MGAM2: variants seen among roughly 807,000 people sequenced by gnomAD.
The protein encoded by MGAM2 is probable maltase-glucoamylase 2.
MGAM2 carries 98 observed loss-of-function variants against 96.1 expected under a neutral mutation model. The observed-to-expected ratio is 1.02, with a 90% CI of 0.87 to 1.21. MGAM2 has a LOEUF of 1.21. Among genes scored for constraint, MGAM2 ranks in the 50% most tolerant of loss-of-function variants. The pLI, the probability that MGAM2 is intolerant of heterozygous loss-of-function variation, is 0.00. For synonymous variants in MGAM2, 749 were observed against 414.8 expected (o/e 1.81, Z -9.79); for missense variants, 2,055 against 1,182.4 (o/e 1.74, Z -10.82).
intron 3 of MGAM2, among the ~76,000 whole-genome samples, chr7:142,129,900 C>T (rs999777761): frequency 7.7e-5 from 10 of 129,608 alleles, no homozygotes; most frequent in African/African-American, 2.9e-4. Context: ...TCACCTGCCA[C>T]ATTGCATTTT....
At chr7:142,194,106 C>T (rs1464978867) in intron 37 of MGAM2, among the ~76,000 whole-genome samples, 1 of 151,668 alleles carries the variant, frequency 6.6e-6, no homozygotes, top group Non-Finnish European at 1.5e-5. Context: ...GATTTCGACT[C>T]ACTGCAACCT....
At position 142,154,863 on chromosome 7, in the gene MGAM2, A is replaced by C. The variant is rs1795690065; in HGVS notation, c.1923+18A>C. 1.4e-6 allele frequency: 1 copy of C among 702,560 alleles called. No individual in the cohort carries two copies. The highest frequency in any genetic ancestry group is 1.7e-5 in the African/African-American group (1 of 57,246). 43.5% of individuals were successfully genotyped at this position (702,560 alleles called of 1,614,324 possible). A position where few individuals can be genotyped will look rare whatever the true frequency, so the allele number is the denominator to read the frequency against. On this transcript the variant is annotated intron_variant, in intron 17 of 47. Coordinates refer to ENST00000477922, the MANE Select transcript of MGAM2 (RefSeq NM_001293626.2). ...GGTTCAGGGTAAGGTCACCAAAAGAAGTGATGGAAACTTTTTGGATTAGCT... is the reference window on the plus strand; with the variant it reads ...GGTTCAGGGTAAGGTCACCAAAAGACGTGATGGAAACTTTTTGGATTAGCT...
rs6959177 is a variant in MGAM2 at position 142,158,068 on chromosome 7, G to A, written c.2055G>A (p.Thr685=). The A allele has an allele frequency of 2.8e-5, 20 of 702,686 alleles. No individual in the cohort carries two copies. Among genetic ancestry groups the A allele is most frequent in the East Asian group, 1.3e-4 (5 of 37,282 alleles). The allele number at this position is 702,686 out of a possible 1,614,324, so 43.5% of individuals were successfully genotyped here. ...LFYHAHTRGE[T]VARPLVHEFY... The stretch of plus-strand genomic sequence containing the variant: ...ACCATGCTCACACCCGGGGAGAGAC[G>A]GTAGCAAGGCCCCTTGTACATGAGT... Residue 685 remains threonine (T), a synonymous_variant, in exon 18 of 48, where the codon ACG becomes ACA. Coordinates refer to ENST00000477922, the MANE Select transcript of MGAM2 (RefSeq NM_001293626.2).
intron 46 of MGAM2, among the ~76,000 whole-genome samples, chr7:142,216,107 A>T (rs1041888321): frequency 4.6e-5 from 7 of 152,158 alleles, no homozygotes; most frequent in African/African-American, 1.7e-4. Context: ...TCTCATAGAC[A>T]TGATTATCAG....
At chr7:142,145,026 C>T in intron 14 of MGAM2, 81 bp downstream of exon 14, 1 of 667,030 alleles carries the variant, frequency 1.5e-6, no homozygotes, top group Non-Finnish European at 2.7e-6. Flanking sequence ...TGGTCGGGAG[C>T]AATTTCACTT....
At chr7:142,163,594 C>T (rs893529543) in intron 23 of MGAM2, among the ~76,000 whole-genome samples, 2 of 152,168 alleles carry the variant, frequency 1.3e-5, no homozygotes, top group Non-Finnish European at 2.9e-5. Flanking sequence ...GTTTTTATTT[C>T]TCTTTAATAA....
At chr7:142,133,947 C>T (rs1295651302) in intron 6 of MGAM2, 34 bp from the exon 7 acceptor site, 5 of 665,640 alleles carry the variant, frequency 7.5e-6, no homozygotes, top group Middle Eastern at 2.4e-4. Flanking sequence ...GAGTGTTTTT[C>T]GGTGATTCTT....
At chr7:142,123,417 C>T (rs975415533) in intron 3 of MGAM2, among the ~76,000 whole-genome samples, 1 of 152,104 alleles carries the variant, frequency 6.6e-6, no homozygotes, top group African/African-American at 2.4e-5. Flanking sequence ...TATCAATTTG[C>T]ATTTCTTTTA....
At chr7:142,176,327 G>C (rs1331415924) in intron 32 of MGAM2, among the ~76,000 whole-genome samples, 4 of 152,162 alleles carry the variant, frequency 2.6e-5, no homozygotes, top group Non-Finnish European at 1.5e-5. Context: ...GACAAATGCA[G>C]AGGCAATTAC....
At position 142,221,274 on chromosome 7, in the gene MGAM2, A is replaced by G. The variant is rs1356797955; in HGVS notation, c.6763A>G (p.Ile2255Val). 2.9e-6 allele frequency: 2 copies of G among 688,032 alleles called. No homozygotes were observed. The highest frequency in any genetic ancestry group is 2.0e-5 in the Admixed American group (1 of 48,790). 42.6% of individuals were successfully genotyped at this position (688,032 alleles called of 1,614,324 possible). ...MSAGNITSNSISITTTSFGNS... is the reference protein window; with the variant it reads ...MSAGNITSNSVSITTTSFGNS... Reference sequence around the variant, plus strand: ...TGCTGGTAATATAACTAGTAATAGTATTTCCATAACAACTACTTCTTTTGG... The same window carrying G: ...TGCTGGTAATATAACTAGTAATAGTGTTTCCATAACAACTACTTCTTTTGG... The change falls in exon 48 of 48, where the codon ATT becomes GTT. Residue 2255 changes from isoleucine (I) to valine (V), a missense_variant. Physicochemically the swap from Ile to Val is conservative, Grantham distance 29. Coordinates refer to ENST00000477922, the MANE Select transcript of MGAM2 (RefSeq NM_001293626.2).
intron 30 of MGAM2, 148 bp downstream of exon 30, chr7:142,172,912 A>G (rs900963067): frequency 1.8e-6 from 1 of 565,444 alleles, no homozygotes; most frequent in African/African-American, 1.9e-5. Flanking sequence ...ATATTTTAGT[A>G]TTATGGTTCT....
intron 10 of MGAM2, among the ~76,000 whole-genome samples, 169 bp from the exon 11 acceptor site, chr7:142,140,633 T>C (rs1795192121): frequency 6.6e-6 from 1 of 152,176 alleles, no homozygotes; most frequent in African/African-American, 2.4e-5. Flanking sequence ...ACAGCAATCA[T>C]GTCTTTCAAA....
intron 45 of MGAM2, among the ~76,000 whole-genome samples, chr7:142,201,821 T>C (rs1276529250): frequency 6.6e-6 from 1 of 152,204 alleles, no homozygotes; most frequent in Non-Finnish European, 1.5e-5. Flanking sequence ...ATAGGTTATA[T>C]GCAAATATTA....
At chr7:142,165,801 C>T (rs951202325) in intron 24 of MGAM2, among the ~76,000 whole-genome samples, 4 of 152,154 alleles carry the variant, frequency 2.6e-5, no homozygotes, top group African/African-American at 9.7e-5. Context: ...GTTGTTATTA[C>T]TACTTTTATT....
chr7:142,121,469 GC>G (rs1794572744), intron 3 of MGAM2, among the ~76,000 whole-genome samples: 1 of 152,042 alleles, frequency 6.6e-6, no homozygotes, highest in South Asian at 2.1e-4. Context: ...GAGCCACTAC[GC>G]CCGGCCCATA....
chr7:142,131,652 T>C, intron 5 of MGAM2, 25 bp downstream of exon 5: 1 of 702,304 alleles, frequency 1.4e-6, no homozygotes, highest in Non-Finnish European at 2.6e-6. Context: ...GACTGCTAAA[T>C]ACATTTCTGA....
At chr7:142,172,477 A>G (rs925468603) in intron 29 of MGAM2, among the ~76,000 whole-genome samples, 175 bp from the exon 30 acceptor site, 12 of 152,182 alleles carry the variant, frequency 7.9e-5, no homozygotes, top group Non-Finnish European at 1.6e-4. Context: ...GAGATTGCAT[A>G]TTACATTTGG....
At chr7:142,144,760 A>G in intron 13 of MGAM2, 101 bp from the exon 14 acceptor site, 1 of 570,102 alleles carries the variant, frequency 1.8e-6, no homozygotes, top group Non-Finnish European at 3.1e-6. Flanking sequence ...AGCAGTTGAT[A>G]AGGGACCCAG....
intron 12 of MGAM2, among the ~76,000 whole-genome samples, chr7:142,142,914 G>T (rs149837973): frequency 2.0e-5 from 3 of 152,256 alleles, no homozygotes; most frequent in Non-Finnish European, 2.9e-5. Context: ...GAATGTTGCT[G>T]TAGGTGACTG....
Sources: allele counts gnomAD v4.1 joint callset (sites outside exome capture counted in the v4.1 genomes callset), GRCh38; gene constraint gnomAD v4.1.1; transcripts MANE v1.5; gene names NCBI Gene and HGNC (gene_info 2026-07-23, HGNC 2026-07-21).